Variants in TSC2 observed in about 807,000 individuals in gnomAD.
TSC2 encodes tuberin.
In TSC2, 29 loss-of-function variants were observed where a neutral mutation model predicts 202.2. The observed-to-expected ratio is 0.14, with a 90% CI of 0.11 to 0.20. The LOEUF is 0.20. Ranked by LOEUF, TSC2 falls within the 10% of genes least tolerant of loss-of-function variation. The pLI is 1.00. For synonymous variants in TSC2, 1,349 were observed against 1,044.0 expected, an observed-to-expected ratio of 1.29 and a Z score of -5.63; for missense variants, 2,429 against 2,420.0, an observed-to-expected ratio of 1.00 and a Z score of -0.08.
chr16:2,057,261 C>G, intron 9 of TSC2, 83 bp downstream of exon 9: 2 of 1,491,992 alleles, frequency 1.3e-6, no homozygotes, highest in Non-Finnish European at 1.8e-6. Flanking sequence ...CAAGCACACA[C>G]TGGCTTAGAG....
rs377514748 is a variant in TSC2 at position 2,077,745 on chromosome 16, G to C, written c.2966+19G>C. 6.2e-7 allele frequency: 1 copy of C among 1,610,580 alleles called. No individual in the cohort carries two copies. Among genetic ancestry groups the C allele is most frequent in the Non-Finnish European group, 8.5e-7 (1 of 1,179,924 alleles). ...TCCGCAGGTAGCGGGACTGTCGGGTGGGGGGCACGGACCCTGGAGCTTGGC... is the reference window on the plus strand; with the variant it reads ...TCCGCAGGTAGCGGGACTGTCGGGTCGGGGGCACGGACCCTGGAGCTTGGC... On this transcript the variant is annotated intron_variant, in intron 26 of 41. Coordinates refer to ENST00000219476, the MANE Select transcript of TSC2 (RefSeq NM_000548.5).
Position 2,065,589 on chromosome 16 carries a change from T to G in TSC2, c.1670T>G (p.Leu557Trp). The change falls in exon 16 of 42, where the codon TTG (leucine) becomes TGG (tryptophan). Residue 557 changes from leucine (L) to tryptophan (W), a missense_variant. Leu to Trp is a moderately conservative substitution (Grantham distance 61, BLOSUM62 -2). Transcript: ENST00000219476. Reference protein sequence around the residue: ...ERDVAAYSASLEDVKTAVLGL... With the variant: ...ERDVAAYSASWEDVKTAVLGL... ...GATGTGGCCGCATACTCGGCCTCCT[T>G]GGAGGATGTGAAGACAGCCGTCCTG... The G allele has an allele frequency of 6.2e-7, 1 of 1,613,818 alleles. No individual in the cohort carries two copies. The highest frequency in any genetic ancestry group is 2.2e-5 in the East Asian group (1 of 44,876).
chr16:2,050,597 A>AAT, intron 3 of TSC2, 111 bp downstream of exon 3: 23 of 703,210 alleles, frequency 3.3e-5, no homozygotes, highest in Non-Finnish European at 4.7e-5. Flanking sequence ...TCTGGTTTGC[A>AAT]CTTTTTTTTT....
chr16:2,074,129 G>A (rs2151343626), intron 21 of TSC2, 71 bp from the exon 22 acceptor site: 3 of 1,593,840 alleles, frequency 1.9e-6, no homozygotes, highest in Non-Finnish European at 2.6e-6. Context: ...GAGCACTCGA[G>A]GTTGGCGAGG....
At chr16:2,065,712 G>A in intron 16 of TSC2, 77 bp downstream of exon 16, 2 of 1,339,208 alleles carry the variant, frequency 1.5e-6, no homozygotes, top group South Asian at 2.3e-5. Flanking sequence ...CGTTGTGTTG[G>A]AGTCTGTTCC....
intron 2 of TSC2, 125 bp downstream of exon 2, chr16:2,048,878 A>C: frequency 7.3e-7 from 1 of 1,376,648 alleles, no homozygotes. Context: ...TGCTGTCTCC[A>C]GTACTTGGAG....
intron 26 of TSC2, chr16:2,078,701 G>T: frequency 2.5e-6 from 1 of 406,760 alleles, no homozygotes; most frequent in Non-Finnish European, 4.6e-6. Flanking sequence ...TGTCTGTGTG[G>T]CCTCCGCCTC....
rs1244859914 is a variant in TSC2 at position 2,056,773 on chromosome 16, G to A, written c.774+4G>A. Reference sequence around the variant, plus strand: ...GCTCTGCGAGCCTTGCTGGAAGGTGGGGTTTCTGAAACTGCTCTGGAAGGT... The same window carrying A: ...GCTCTGCGAGCCTTGCTGGAAGGTGAGGTTTCTGAAACTGCTCTGGAAGGT... On this transcript the variant is annotated splice_donor_region_variant and intron_variant, in intron 8 of 41. Transcript: ENST00000219476. The A allele has an allele frequency of 6.2e-6, 10 of 1,607,204 alleles. No individual in the cohort carries two copies. Among genetic ancestry groups the A allele is most frequent in the South Asian group, 1.1e-5 (1 of 91,014 alleles).
chr16:2,054,193 G>A lies in TSC2; in HGVS notation c.337-103G>A, dbSNP rs979363792. The A allele has an allele frequency of 2.5e-5, 39 of 1,573,802 alleles. No homozygotes were observed. In the African/African-American group the frequency reaches 4.7e-4, roughly 19 times the overall value. On this transcript the variant is annotated intron_variant, in intron 4 of 41. Transcript: ENST00000219476. ...AGGGCGCCTCTGTGGGAAGGAGAGG[G>A]GTCCAGGGCTGGAGTCCGGGTGCCC...
At chr16:2,071,659 A>G (rs559270449) in intron 18 of TSC2, 43 bp downstream of exon 18, 1 of 1,610,932 alleles carries the variant, frequency 6.2e-7, no homozygotes. Context: ...TCAGGGCGTC[A>G]GAGGCGCTGG....
chr16:2,063,355 G>A (rs1040909438), intron 14 of TSC2: 71 of 541,120 alleles, frequency 1.3e-4, no homozygotes, highest in South Asian at 4.5e-4. Flanking sequence ...GTGTGAGTTC[G>A]TTTCAGCCAG....
chr16:2,065,589 T>C lies in TSC2; in HGVS notation c.1670T>C (p.Leu557Ser), dbSNP rs751618728. The C allele has an allele frequency of 6.2e-7, 1 of 1,613,818 alleles. No individual in the cohort carries two copies. Among genetic ancestry groups the C allele is most frequent in the Non-Finnish European group, 8.5e-7 (1 of 1,179,992 alleles). The change falls in exon 16 of 42, where the codon TTG becomes TCG. Residue 557 changes from leucine (L) to serine (S), a missense_variant. By Grantham distance (145) the Leu-to-Ser change is moderately radical. Transcript: ENST00000219476. ...ERDVAAYSASLEDVKTAVLGL... is the reference protein window; with the variant it reads ...ERDVAAYSASSEDVKTAVLGL... ...GATGTGGCCGCATACTCGGCCTCCTTGGAGGATGTGAAGACAGCCGTCCTG... is the reference window on the plus strand; with the variant it reads ...GATGTGGCCGCATACTCGGCCTCCTCGGAGGATGTGAAGACAGCCGTCCTG...
Position 2,054,351 on chromosome 16 carries a change from C to T in TSC2, c.392C>T (p.Pro131Leu), listed in dbSNP as rs1487984678. Residue 131 changes from proline (P) to leucine (L), a missense_variant, in exon 5 of 42, where the codon CCT becomes CTT. Pro to Leu is a moderately conservative substitution (Grantham distance 98, BLOSUM62 -3). Transcript: ENST00000219476. ...TTCTTTAAGGTCATCAAGGATTACCCTTCCAACGAAGACCTTCACGAAAGG... is the reference window on the plus strand; with the variant it reads ...TTCTTTAAGGTCATCAAGGATTACCTTTCCAACGAAGACCTTCACGAAAGG... ...ALFFKVIKDY[P>L]SNEDLHERLE... is the part of the protein sequence containing the mutation. The T allele has an allele frequency of 1.9e-6, 3 of 1,614,220 alleles. No homozygotes were observed. Among genetic ancestry groups the T allele is most frequent in the African/African-American group, 1.3e-5 (1 of 75,056 alleles).
At chr16:2,071,479 G>A (rs1232170460) in intron 17 of TSC2, 31 bp from the exon 18 acceptor site, 1 of 1,612,056 alleles carries the variant, frequency 6.2e-7, no homozygotes, top group African/African-American at 1.3e-5. Context: ...CACGAGCTTG[G>A]CTCTGGCTTT....
At position 2,062,506 on chromosome 16, in the gene TSC2, C is replaced by A. The variant is rs746586340; in HGVS notation, c.1267C>A (p.Leu423Ile). 1 of 1,610,458 alleles carries A rather than the reference C, an allele frequency of 6.2e-7. No homozygotes were observed. Among genetic ancestry groups the A allele is most frequent in the Non-Finnish European group, 8.5e-7 (1 of 1,178,256 alleles). Residue 423 changes from leucine (L) to isoleucine (I), a missense_variant, in exon 13 of 42, where the codon CTC (leucine) becomes ATC (isoleucine). Coordinates refer to ENST00000219476, the MANE Select transcript of TSC2 (RefSeq NM_000548.5). ...GCTCTTCTTTTGACAGGAGTCCTCC[C>A]TCCTGAACCTGATCTCCTATAGAGC... ...RCADQRPESS[L>I]LNLISYRAQS...
intron 36 of TSC2, among the ~76,000 whole-genome samples, 160 bp from the exon 37 acceptor site, chr16:2,086,033 C>G (rs1229314948): frequency 1.3e-5 from 2 of 152,166 alleles, no homozygotes; most frequent in East Asian, 3.9e-4. Flanking sequence ...TCAAGGATGA[C>G]ACCCGATGTC....
At position 2,064,252 on chromosome 16, in the gene TSC2, C is replaced by G; in HGVS notation, c.1444-20C>G. On this transcript the variant is annotated intron_variant, in intron 14 of 41. Coordinates refer to ENST00000219476, the MANE Select transcript of TSC2 (RefSeq NM_000548.5). ...CCCTCGTTGGGCTGGCGCTCATTGG[C>G]CTCCCTTGTGCCTGTGCAGGAGGAG... The G allele has an allele frequency of 6.2e-7, 1 of 1,613,862 alleles. No homozygotes were observed. The highest frequency in any genetic ancestry group is 8.5e-7 in the Non-Finnish European group (1 of 1,180,024).
Position 2,077,716 on chromosome 16 carries a change from G to GT in TSC2, c.2957dup (p.Val987GlyfsTer19), listed in dbSNP as rs2089598055. On this transcript the variant is annotated frameshift_variant, in exon 26 of 42. Coordinates refer to ENST00000219476, the MANE Select transcript of TSC2 (RefSeq NM_000548.5). LOFTEE classifies it high-confidence loss of function. Reference sequence around the variant, plus strand: ...CCGCAGCATCAGTGTGTCTGAACATGTGGTCCGCAGGTAGCGGGACTGTCG... The same window carrying GT: ...CCGCAGCATCAGTGTGTCTGAACATGTTGGTCCGCAGGTAGCGGGACTGTCG... 1 of 1,612,724 alleles carries GT rather than the reference G, an allele frequency of 6.2e-7. No homozygotes were observed. Among genetic ancestry groups the GT allele is most frequent in the African/African-American group, 1.3e-5 (1 of 74,940 alleles).
In TSC2 at chr16:2,088,085, C is replaced by T. The variant is rs45483700; in HGVS notation, c.5106C>T (p.Ile1702=). The part of the protein sequence containing the change: ...EGLVDTSVAK[I]VSDRNLPFVA... ...TTGTGGACACCAGCGTGGCCAAGAT[C>T]GTGTCTGACCGCAACCTGCCCTTCG... The change falls in exon 40 of 42, where the codon ATC becomes ATT. Residue 1702 remains isoleucine, a synonymous_variant. Coordinates refer to ENST00000219476, the MANE Select transcript of TSC2 (RefSeq NM_000548.5). The T allele has an allele frequency of 7.8e-5, 126 of 1,612,696 alleles. No individual in the cohort carries two copies. The highest frequency in any genetic ancestry group is 1.6e-4 in the Middle Eastern group (1 of 6,084).
Sources: allele counts gnomAD v4.1 joint callset (sites outside exome capture counted in the v4.1 genomes callset), GRCh38; gene constraint gnomAD v4.1.1; transcripts MANE v1.5; gene names NCBI Gene and HGNC (gene_info 2026-07-23, HGNC 2026-07-21).